Variants in ADAM19 observed in about 807,000 individuals in gnomAD.
ADAM19 encodes ADAM metallopeptidase domain 19, also known as disintegrin and metalloproteinase domain-containing protein 19.
A neutral mutation model predicts 114.7 loss-of-function variants in ADAM19; 65 were observed. The ratio of observed to expected loss-of-function variants is 0.57; its 90% confidence interval spans 0.46 to 0.70. The LOEUF (loss-of-function observed/expected upper bound fraction) is 0.70. ADAM19 is among the 30% of genes least tolerant of loss of function. The pLI, the probability that ADAM19 is intolerant of heterozygous loss-of-function variation, is 0.00. For missense variants in ADAM19, 1,063 were observed against 1,204.7 expected (o/e 0.88, Z 1.74); for synonymous variants, 466 against 460.5 (o/e 1.01, Z -0.15).
chr5:157,557,191 C>A (rs555966283), intron 3 of ADAM19, among the ~76,000 whole-genome samples: 1 of 152,108 alleles, frequency 6.6e-6, no homozygotes, highest in Admixed American at 6.5e-5. Context: ...TACAGGCATG[C>A]GCCACTGCAC....
In ADAM19 at chr5:157,478,632, GC is replaced by G. The variant is rs1471823297; in HGVS notation, c.*2316del. 2.0e-6 allele frequency: 2 copies of G among 985,722 alleles called. No homozygotes were observed. The highest frequency in any genetic ancestry group is 3.5e-5 in the African/African-American group (2 of 57,216). The allele number at this position is 985,722 out of a possible 1,614,324, so 61.1% of individuals were successfully genotyped here. On this transcript the variant is annotated 3_prime_UTR_variant, in exon 23 of 23. Transcript: ENST00000257527. ...TAATGGCCAGTCTTCCTCCTGGGCAGCCTCCCTGAACAGAGCCAGGAGTGAA... is the reference window on the plus strand; with the variant it reads ...TAATGGCCAGTCTTCCTCCTGGGCAGCTCCCTGAACAGAGCCAGGAGTGAA...
chr5:157,551,411 C>CAAA (rs1307546089), intron 3 of ADAM19, among the ~76,000 whole-genome samples: 18,453 of 71,488 alleles, frequency 0.26, 1,148 homozygotes, highest in East Asian at 0.28. Flanking sequence ...CCCCCCAACC[C>CAAA]CAAAAAAAAA....
At chr5:157,496,433 T>C (rs2113706028) in intron 14 of ADAM19, among the ~76,000 whole-genome samples, 1 of 152,330 alleles carries the variant, frequency 6.6e-6, no homozygotes, top group African/African-American at 2.4e-5. Context: ...CTTTCCATAG[T>C]GGTTATATCT....
chr5:157,508,032 A>G (rs1381150909), intron 9 of ADAM19, among the ~76,000 whole-genome samples: 3 of 152,242 alleles, frequency 2.0e-5, no homozygotes, highest in Non-Finnish European at 4.4e-5. Flanking sequence ...TAGTGGGTAT[A>G]CAATAAATGT....
At chr5:157,574,571 T>C (rs1757920685) in intron 1 of ADAM19, among the ~76,000 whole-genome samples, 1 of 152,056 alleles carries the variant, frequency 6.6e-6, no homozygotes, top group Non-Finnish European at 1.5e-5. Context: ...CGGTGCTCGC[T>C]CTATTTGAAA....
At chr5:157,491,193 T>C (rs1371510782) in intron 18 of ADAM19, among the ~76,000 whole-genome samples, 1 of 152,148 alleles carries the variant, frequency 6.6e-6, no homozygotes, top group East Asian at 1.9e-4. Flanking sequence ...TCCACTAAAA[T>C]ACTATAAAAT....
At chr5:157,510,617 T>C (rs1755889917) in intron 8 of ADAM19, among the ~76,000 whole-genome samples, 2 of 152,282 alleles carry the variant, frequency 1.3e-5, no homozygotes, top group South Asian at 4.1e-4. Flanking sequence ...ACTTTGTTTC[T>C]ATTCTGCCTT....
Position 157,491,606 on chromosome 5 carries a change from G to A in ADAM19, c.2095+9C>T, listed in dbSNP as rs190049336. Reference sequence around the variant, plus strand: ...AAGCGGGCAGTGGCCCCAGCAGGCTGGCACTCACTCTCAGGGGGCATAGGC... The same window carrying A: ...AAGCGGGCAGTGGCCCCAGCAGGCTAGCACTCACTCTCAGGGGGCATAGGC... On this transcript the variant is annotated intron_variant, in intron 18 of 22. Coordinates refer to ENST00000257527, the MANE Select transcript of ADAM19 (RefSeq NM_033274.5). 113 of 1,483,690 alleles carry A rather than the reference G, an allele frequency of 7.6e-5. No individual in the cohort carries two copies. Among genetic ancestry groups the A allele is most frequent in the Non-Finnish European group, 9.7e-5 (108 of 1,113,746 alleles). The allele number at this position is 1,483,690 out of a possible 1,614,324, so 91.9% of individuals were successfully genotyped here.
At chr5:157,487,486 T>C (rs148294000) in intron 21 of ADAM19, among the ~76,000 whole-genome samples, 116 of 152,106 alleles carry the variant, frequency 7.6e-4, no homozygotes, top group African/African-American at 2.4e-3. Context: ...AGTTGAGGGG[T>C]CACACCCAAA....
chr5:157,518,798 GCAAGACCCATTGC>G lies in ADAM19; in HGVS notation c.666+12_666+24del, dbSNP rs1324270846. On this transcript the variant is annotated intron_variant, in intron 7 of 22. Coordinates refer to ENST00000257527, the MANE Select transcript of ADAM19 (RefSeq NM_033274.5). Reference sequence around the variant, plus strand: ...AAGCTATCAAGAGAGCAGTTTTTCTGCAAGACCCATTGCCTCCCCCTTACCTCTAAATAATCAG... The same window carrying G: ...AAGCTATCAAGAGAGCAGTTTTTCTGCTCCCCCTTACCTCTAAATAATCAG... 6.3e-7 allele frequency: 1 copy of G among 1,594,196 alleles called. No homozygotes were observed. The highest frequency in any genetic ancestry group is 1.1e-5 in the South Asian group (1 of 90,674).
rs1403523839 is a variant in ADAM19 at position 157,479,381 on chromosome 5, AATTG to A, written c.*1564_*1567del. On this transcript the variant is annotated 3_prime_UTR_variant, in exon 23 of 23. Coordinates refer to ENST00000257527, the MANE Select transcript of ADAM19 (RefSeq NM_033274.5). ...TGCAGTGAGGTTTTCAAGAGCAAAC[AATTG>A]CTCATGGCAGGATGGGAGGAGGCCC... is the stretch of plus-strand genomic sequence containing the variant. 1.0e-6 allele frequency: 1 copy of A among 986,002 alleles called. No individual in the cohort carries two copies. The highest frequency in any genetic ancestry group is 1.1e-4 in the East Asian group (1 of 8,828). 61.1% of individuals were successfully genotyped at this position (986,002 alleles called of 1,614,324 possible).
chr5:157,499,932 C>T, intron 12 of ADAM19, among the ~76,000 whole-genome samples: 1 of 152,040 alleles, frequency 6.6e-6, no homozygotes, highest in Non-Finnish European at 1.5e-5. Context: ...GCACACCCCA[C>T]CACACCTGGC....
chr5:157,493,070 T>A lies in ADAM19; in HGVS notation c.1811A>T (p.Gln604Leu). Residue 604 changes from glutamine (Q) to leucine (L), a missense_variant, in exon 16 of 23, where the codon CAG becomes CTG. Transcript: ENST00000257527. ...TTIIMNGRQI[Q>L]CRGTHVYRGP... The stretch of plus-strand genomic sequence containing the variant: ...TCGGTAGACGTGGGTGCCCCGGCAC[T>A]GGATCTGCCTCCCATTCATGATGAT... 1 of 1,614,248 alleles carries A rather than the reference T, an allele frequency of 6.2e-7. No individual in the cohort carries two copies. The highest frequency in any genetic ancestry group is 8.5e-7 in the Non-Finnish European group (1 of 1,180,050).
chr5:157,511,180 G>A (rs1755909176), intron 8 of ADAM19, among the ~76,000 whole-genome samples: 1 of 152,188 alleles, frequency 6.6e-6, no homozygotes, highest in Non-Finnish European at 1.5e-5. Flanking sequence ...TACAAATACT[G>A]AGCCAGTGAC....
intron 3 of ADAM19, among the ~76,000 whole-genome samples, chr5:157,542,421 T>C (rs972091398): frequency 1.3e-5 from 2 of 152,368 alleles, no homozygotes; most frequent in South Asian, 4.1e-4. Context: ...AAAGTCGGAA[T>C]GCTTTGGTTT....
chr5:157,496,556 T>C (rs1755371048), intron 14 of ADAM19, among the ~76,000 whole-genome samples: 1 of 152,224 alleles, frequency 6.6e-6, no homozygotes, highest in Non-Finnish European at 1.5e-5. Context: ...CACCTCATCA[T>C]AATTATACTT....
At chr5:157,570,670 T>G (rs995764759) in intron 2 of ADAM19, 2 of 467,532 alleles carry the variant, frequency 4.3e-6, no homozygotes, top group Non-Finnish European at 7.7e-6. Context: ...TCAGCATTAA[T>G]GTGAATTTTC....
chr5:157,520,767 TTGG>T (rs1756262482), intron 5 of ADAM19, among the ~76,000 whole-genome samples: 1 of 152,212 alleles, frequency 6.6e-6, no homozygotes, highest in South Asian at 2.1e-4. Flanking sequence ...CGGTAGTTAT[TTGG>T]TGAAGTGACA....
intron 22 of ADAM19, 168 bp downstream of exon 22, chr5:157,481,623 C>T: frequency 1.3e-6 from 2 of 1,546,950 alleles, no homozygotes; most frequent in Non-Finnish European, 8.7e-7. Flanking sequence ...CAAAACTCCA[C>T]AGTCAAGCGG....
Sources: gnomAD v4.1 joint callset for allele counts (sites outside exome capture counted in the v4.1 genomes callset) on GRCh38, gnomAD v4.1.1 for gene constraint, MANE v1.5 for transcripts, NCBI Gene and HGNC (gene_info 2026-07-23, HGNC 2026-07-21) for gene names.